Variants in PKNOX2 observed in about 807,000 individuals in gnomAD.
PKNOX2 encodes homeobox protein PKNOX2.
A neutral mutation model predicts 53.1 loss-of-function variants in PKNOX2; 14 were observed. That is an observed-to-expected ratio of 0.26 (90% CI 0.17 to 0.41). The LOEUF (loss-of-function observed/expected upper bound fraction) is 0.41. Ranked by LOEUF, PKNOX2 falls within the 10% of genes least tolerant of loss-of-function variation. The pLI is 1.00. For synonymous variants in PKNOX2, 257 were observed against 242.8 expected, an observed-to-expected ratio of 1.06 and a Z score of -0.54; for missense variants, 496 against 602.8, an observed-to-expected ratio of 0.82 and a Z score of 1.85.
chr11:125,322,555 G>A lies in PKNOX2; in HGVS notation c.-129-9264G>A, dbSNP rs78381734. 6.3e-3 allele frequency among the ~76,000 whole-genome samples: 962 copies of A among 152,286 alleles called. 17 individuals are homozygous for A. Among genetic ancestry groups the A allele is most frequent in the East Asian group, 0.055 (285 of 5,182 alleles). On this transcript the variant is annotated intron_variant, in intron 2 of 12. Transcript: ENST00000298282. Reference sequence around the variant, plus strand: ...CCCCACCCAGGATGGCGCTGCTCTCGTGGGGGTTTAATCCTGATGAGCCCA... The same window carrying A: ...CCCCACCCAGGATGGCGCTGCTCTCATGGGGGTTTAATCCTGATGAGCCCA...
At chr11:125,306,189 C>T (rs560824610) in intron 2 of PKNOX2, among the ~76,000 whole-genome samples, 4 of 152,204 alleles carry the variant, frequency 2.6e-5, no homozygotes, top group East Asian at 1.9e-4. Flanking sequence ...AATACCTGCC[C>T]GGCGGCAGGT....
At chr11:125,429,175 A>G (rs1956577102) in intron 11 of PKNOX2, 87 bp downstream of exon 11, 1 of 1,298,468 alleles carries the variant, frequency 7.7e-7, no homozygotes, top group South Asian at 1.3e-5. Flanking sequence ...AAGAGACTCG[A>G]ATGCCAGGAT....
chr11:125,423,295 C>T (rs998648328), intron 10 of PKNOX2, among the ~76,000 whole-genome samples: 4 of 152,178 alleles, frequency 2.6e-5, no homozygotes, highest in East Asian at 1.9e-4. Flanking sequence ...ACTGCCTCCA[C>T]GTCTTCTTTA....
rs1948751362 is a variant in PKNOX2, at chr11:125,310,719, A to G, written c.-129-21100A>G. 3.3e-5 allele frequency among the ~76,000 whole-genome samples: 5 copies of G among 151,696 alleles called. No homozygotes were observed. In the South Asian group the frequency reaches 1.0e-3, roughly 32 times the overall value. On this transcript the variant is annotated intron_variant, in intron 2 of 12. Transcript: ENST00000298282. ...GGTTTTGCAATCCTGTTCTTTCCAT[A>G]CTCCAAGATATAATTTGCCATTGTC...
intron 1 of PKNOX2, among the ~76,000 whole-genome samples, chr11:125,220,690 C>T (rs1338131652): frequency 6.6e-6 from 1 of 152,194 alleles, no homozygotes; most frequent in Non-Finnish European, 1.5e-5. Context: ...AGGATCCGGC[C>T]TTGTTCTATT....
At position 125,431,344 on chromosome 11, in the gene PKNOX2, G is replaced by T; in HGVS notation, c.1371G>T (p.Thr457=). The change falls in exon 13 of 13, where the codon ACG becomes ACT. Residue 457 remains threonine (T), a synonymous_variant. Transcript: ENST00000298282. ...AGGAGGAGGTCGACGAGCTGCAGAC[G>T]ACAAATGTCAGCGACCTGGGCTTGG... The part of the protein sequence containing the change: ...ELEEEVDELQ[T]TNVSDLGLEH... The T allele has an allele frequency of 6.2e-7, 1 of 1,613,584 alleles. No individual in the cohort carries two copies. Among genetic ancestry groups the T allele is most frequent in the Non-Finnish European group, 8.5e-7 (1 of 1,179,928 alleles).
Position 125,176,955 on chromosome 11 carries a change from G to A in PKNOX2, c.-201+12179G>A, listed in dbSNP as rs114069835. On this transcript the variant is annotated intron_variant, in intron 1 of 12. Transcript: ENST00000298282. ...TTTAGAAAATGCAGGCATCCCTTCC[G>A]CATTCTTCCTACAGCCCCAGTTAGG... Among the ~76,000 whole-genome samples, 3 of 152,162 alleles carry A rather than the reference G, an allele frequency of 2.0e-5. No homozygotes were observed. In the South Asian group the frequency reaches 6.2e-4, roughly 32 times the overall value.
intron 1 of PKNOX2, among the ~76,000 whole-genome samples, chr11:125,178,671 A>AG: frequency 8.6e-6 from 1 of 116,286 alleles, no homozygotes; most frequent in Admixed American, 7.5e-5. Flanking sequence ...GGAAGGAAGG[A>AG]AAGAAAGAGA....
chr11:125,308,779 C>T (rs1343324347), intron 2 of PKNOX2, among the ~76,000 whole-genome samples: 2 of 152,216 alleles, frequency 1.3e-5, no homozygotes, highest in African/African-American at 4.8e-5. Context: ...TGGGTTGGTT[C>T]TCACTAGTAG....
chr11:125,189,031 C>T (rs1419628344), intron 1 of PKNOX2, among the ~76,000 whole-genome samples: 1 of 152,032 alleles, frequency 6.6e-6, no homozygotes, highest in Non-Finnish European at 1.5e-5. Context: ...GACACCTAAG[C>T]ACAAAAGTCC....
At chr11:125,296,125 T>C (rs1020595144) in intron 2 of PKNOX2, among the ~76,000 whole-genome samples, 4 of 152,148 alleles carry the variant, frequency 2.6e-5, no homozygotes, top group South Asian at 4.1e-4. Flanking sequence ...TCCCACTGTC[T>C]CCTGCCTGGA....
Position 125,433,375 on chromosome 11 carries a change from T to TATTA in PKNOX2, c.*1984_*1987dup, listed in dbSNP as rs1433837697. ...TGGCCGAGACGTTTTCAGTAAATCT[T>TATTA]ATTACCTACCGTAACCCTGGTGCAC... On this transcript the variant is annotated 3_prime_UTR_variant, in exon 13 of 13. Transcript: ENST00000298282. The TATTA allele has an allele frequency of 6.5e-6, 1 of 152,700 alleles. No homozygotes were observed. Among genetic ancestry groups the TATTA allele is most frequent in the Non-Finnish European group, 1.5e-5 (1 of 68,062 alleles). 9.5% of individuals were successfully genotyped at this position (152,700 alleles called of 1,614,324 possible). A position where few individuals can be genotyped will look rare whatever the true frequency, so the allele number is the denominator to read the frequency against.
intron 5 of PKNOX2, among the ~76,000 whole-genome samples, chr11:125,383,052 G>T (rs1953361715): frequency 6.6e-6 from 1 of 152,158 alleles, no homozygotes; most frequent in Non-Finnish European, 1.5e-5. Flanking sequence ...GCCAAGCCCA[G>T]CAGCTCCTCT....
At chr11:125,234,361 A>C (rs1406064763) in intron 1 of PKNOX2, among the ~76,000 whole-genome samples, 1 of 152,116 alleles carries the variant, frequency 6.6e-6, no homozygotes, top group Non-Finnish European at 1.5e-5. Flanking sequence ...TACAGAGCAG[A>C]CAACTGATAA....
At chr11:125,238,206 A>C (rs2135584578) in intron 2 of PKNOX2, among the ~76,000 whole-genome samples, 1 of 152,356 alleles carries the variant, frequency 6.6e-6, no homozygotes, top group East Asian at 1.9e-4. Flanking sequence ...AGAAACAACC[A>C]GCCCGTATCC....
intron 10 of PKNOX2, among the ~76,000 whole-genome samples, chr11:125,428,221 C>A (rs1025065447): frequency 6.6e-6 from 1 of 152,112 alleles, no homozygotes; most frequent in Non-Finnish European, 1.5e-5. Flanking sequence ...ATGTGGGGGA[C>A]TGAGAGAGAC....
intron 4 of PKNOX2, among the ~76,000 whole-genome samples, chr11:125,367,376 C>A (rs1045619332): frequency 6.6e-6 from 1 of 152,176 alleles, no homozygotes; most frequent in Non-Finnish European, 1.5e-5. Flanking sequence ...CCTTCAAAAC[C>A]ACTGGGACCA....
chr11:125,221,249 C>T (rs1320754692), intron 1 of PKNOX2, among the ~76,000 whole-genome samples: 1 of 152,172 alleles, frequency 6.6e-6, no homozygotes, highest in Non-Finnish European at 1.5e-5. Flanking sequence ...TGGGGCATCC[C>T]AGGAGATAGT....
intron 1 of PKNOX2, among the ~76,000 whole-genome samples, chr11:125,210,403 C>A (rs1939688007): frequency 6.6e-6 from 1 of 152,122 alleles, no homozygotes; most frequent in Admixed American, 6.5e-5. Context: ...ATTCAGGGCA[C>A]AGGAAGGCAA....
Sources: gnomAD v4.1 joint callset for allele counts (sites outside exome capture counted in the v4.1 genomes callset) on GRCh38, gnomAD v4.1.1 for gene constraint, MANE v1.5 for transcripts, NCBI Gene and HGNC (gene_info 2026-07-23, HGNC 2026-07-21) for gene names.